Variants in RAB10 observed in about 807,000 individuals in gnomAD.
RAB10 encodes RAB10, member RAS oncogene family, also known as ras-related protein Rab-10.
In RAB10, 5 loss-of-function variants were observed where a neutral mutation model predicts 25.7. That is an observed-to-expected ratio of 0.19 (90% CI 0.10 to 0.41). RAB10 has a LOEUF of 0.41. RAB10 is among the 10% of genes least tolerant of loss of function. The pLI, the probability that RAB10 is intolerant of heterozygous loss-of-function variation, is 1.00. For synonymous variants in RAB10, 89 were observed against 86.4 expected (o/e 1.03, Z -0.16); for missense variants, 103 against 245.8 (o/e 0.42, Z 3.89).
chr2:26,062,629 G>C (rs894123840), intron 1 of RAB10, among the ~76,000 whole-genome samples: 1 of 151,536 alleles, frequency 6.6e-6, no homozygotes, highest in South Asian at 2.1e-4. Flanking sequence ...AGTGAGCCGA[G>C]ATCATGCTAC....
intron 3 of RAB10, among the ~76,000 whole-genome samples, chr2:26,116,635 C>T (rs1380506246): frequency 2.3e-5 from 3 of 130,002 alleles, no homozygotes; most frequent in Non-Finnish European, 4.7e-5. Context: ...CAGCTCACTG[C>T]AAGCTCTGCT....
intron 5 of RAB10, among the ~76,000 whole-genome samples, chr2:26,134,452 C>T (rs1232769605): frequency 6.6e-6 from 1 of 152,200 alleles, no homozygotes; most frequent in African/African-American, 2.4e-5. Flanking sequence ...TAGATAACTA[C>T]ATTTTGCTCC....
intron 1 of RAB10, among the ~76,000 whole-genome samples, chr2:26,088,242 C>T (rs547675329): frequency 1.3e-5 from 2 of 152,310 alleles, no homozygotes; most frequent in Non-Finnish European, 2.9e-5. Flanking sequence ...AGTTACTCCT[C>T]TTGCCACTGG....
intron 1 of RAB10, among the ~76,000 whole-genome samples, chr2:26,056,863 A>G (rs918988696): frequency 3.3e-5 from 5 of 152,146 alleles, no homozygotes; most frequent in Non-Finnish European, 5.9e-5. Context: ...CCTGGCCTCA[A>G]GCGATCCTCT....
chr2:26,052,581 C>G (rs1456223390), intron 1 of RAB10, among the ~76,000 whole-genome samples: 2 of 151,166 alleles, frequency 1.3e-5, no homozygotes, highest in Non-Finnish European at 2.9e-5. Flanking sequence ...TCACCTGCCT[C>G]GAATCTGGGG....
intron 1 of RAB10, among the ~76,000 whole-genome samples, chr2:26,097,622 A>G (rs1336330209): frequency 6.6e-6 from 1 of 152,028 alleles, no homozygotes; most frequent in Admixed American, 6.6e-5. Context: ...TACGACCCTT[A>G]TGTTTTCTCT....
chr2:26,127,587 T>C (rs1667930323), intron 4 of RAB10, among the ~76,000 whole-genome samples: 1 of 152,226 alleles, frequency 6.6e-6, no homozygotes. Flanking sequence ...AATTAGACCC[T>C]GAGGAGTCAG....
intron 3 of RAB10, among the ~76,000 whole-genome samples, chr2:26,114,674 G>A (rs1413340896): frequency 1.3e-5 from 2 of 150,664 alleles, no homozygotes; most frequent in Admixed American, 1.3e-4. Flanking sequence ...GTGGGTCGCT[G>A]GAGCCCAGGA....
At chr2:26,035,570 G>A (rs1665748098) in intron 1 of RAB10, among the ~76,000 whole-genome samples, 1 of 152,194 alleles carries the variant, frequency 6.6e-6, no homozygotes, top group Non-Finnish European at 1.5e-5. Context: ...AAGGAAAAGG[G>A]AAGGCTCTAG....
intron 2 of RAB10, among the ~76,000 whole-genome samples, chr2:26,105,809 T>G (rs1233191772): frequency 1.3e-5 from 2 of 152,208 alleles, no homozygotes; most frequent in Non-Finnish European, 2.9e-5. Flanking sequence ...TTTTCTATGT[T>G]TTGACATATT....
chr2:26,044,734 C>G (rs1310129516), intron 1 of RAB10, among the ~76,000 whole-genome samples: 1 of 151,924 alleles, frequency 6.6e-6, no homozygotes, highest in Non-Finnish European at 1.5e-5. Flanking sequence ...TTAGCAGAGA[C>G]AGGGTTTCGC....
chr2:26,076,779 A>G (rs996039791), intron 1 of RAB10, among the ~76,000 whole-genome samples: 17 of 152,002 alleles, frequency 1.1e-4, no homozygotes, highest in African/African-American at 3.9e-4. Flanking sequence ...CCCCATCTCT[A>G]CTAAAAATAC....
intron 1 of RAB10, among the ~76,000 whole-genome samples, chr2:26,092,302 TG>T (rs1559590822): frequency 0.041 from 4,881 of 119,256 alleles, 145 homozygotes; most frequent in Middle Eastern, 0.065. Flanking sequence ...TGTGTGTGTG[TG>T]TGTGTGTGTG....
rs1039569916 is a variant in RAB10 at position 26,034,330 on chromosome 2, G to C, written c.-279G>C. 618 of 567,490 alleles carry C rather than the reference G, an allele frequency of 1.1e-3. 3 individuals carry two copies. The highest frequency in any genetic ancestry group is 4.7e-4 in the Middle Eastern group (1 of 2,130). 35.2% of individuals were successfully genotyped at this position (567,490 alleles called of 1,614,324 possible). A position where few individuals can be genotyped will look rare whatever the true frequency, so the allele number is the denominator to read the frequency against. Reference sequence around the variant, plus strand: ...AGCGTCCCGGCCGAGAAGCCCTGAGGGGGGAGGGGAGGCCATTTTGTCCCG... The same window carrying C: ...AGCGTCCCGGCCGAGAAGCCCTGAGCGGGGAGGGGAGGCCATTTTGTCCCG... On this transcript the variant is annotated 5_prime_UTR_variant, in exon 1 of 6. Transcript: ENST00000264710.
At chr2:26,078,731 C>T (rs1410053372) in intron 1 of RAB10, among the ~76,000 whole-genome samples, 2 of 152,046 alleles carry the variant, frequency 1.3e-5, no homozygotes, top group Non-Finnish European at 2.9e-5. Flanking sequence ...CACATTGAGG[C>T]ACATCCTAGT....
Position 26,093,487 on chromosome 2 carries a change from A to C in RAB10, c.128-5175A>C, listed in dbSNP as rs553870563. 3.9e-5 allele frequency among the ~76,000 whole-genome samples: 6 copies of C among 152,326 alleles called. No individual in the cohort carries two copies. In the South Asian group the frequency reaches 1.2e-3, roughly 32 times the overall value. ...GATTGCAGCACATATTTTCTTCTGA[A>C]GTTCGATTTACCTTTAGGTCTGTTT... is the stretch of plus-strand genomic sequence containing the variant. On this transcript the variant is annotated intron_variant, in intron 1 of 5. Coordinates refer to ENST00000264710, the MANE Select transcript of RAB10 (RefSeq NM_016131.5).
chr2:26,062,397 G>T (rs924140516), intron 1 of RAB10, among the ~76,000 whole-genome samples: 1 of 152,148 alleles, frequency 6.6e-6, no homozygotes, highest in Non-Finnish European at 1.5e-5. Context: ...CAAAAGTGCT[G>T]CTGGGCATGG....
intron 2 of RAB10, among the ~76,000 whole-genome samples, chr2:26,102,319 T>G (rs1667358500): frequency 6.6e-6 from 1 of 152,222 alleles, no homozygotes; most frequent in South Asian, 2.1e-4. Context: ...TGTGTAGTAC[T>G]TAATAATACT....
intron 3 of RAB10, among the ~76,000 whole-genome samples, chr2:26,116,869 T>C (rs1350694104): frequency 1.3e-5 from 2 of 151,766 alleles, no homozygotes; most frequent in Non-Finnish European, 2.9e-5. Context: ...TTTTTTTTCT[T>C]TTTCTTTTTT....
Sources: gnomAD v4.1 joint callset for allele counts (sites outside exome capture counted in the v4.1 genomes callset) on GRCh38, gnomAD v4.1.1 for gene constraint, MANE v1.5 for transcripts, NCBI Gene and HGNC (gene_info 2026-07-23, HGNC 2026-07-21) for gene names.